The following MPPED2 variants were observed in gnomAD, a reference collection of about 807,000 sequenced individuals.
The protein encoded by MPPED2 is metallophosphoesterase domain containing 2.
In MPPED2, 5 loss-of-function variants were observed where a neutral mutation model predicts 33.0. The observed-to-expected ratio is 0.15, with a 90% CI of 0.08 to 0.32. The LOEUF (loss-of-function observed/expected upper bound fraction) is 0.32, where lower values mean the gene tolerates loss of function less well. Among genes scored for constraint, MPPED2 ranks in the 10% least tolerant of loss-of-function variants. The pLI is 1.00. For synonymous variants in MPPED2, 136 were observed against 141.9 expected, an observed-to-expected ratio of 0.96 and a Z score of 0.29; for missense variants, 275 against 372.1, an observed-to-expected ratio of 0.74 and a Z score of 2.15.
intron 4 of MPPED2, among the ~76,000 whole-genome samples, chr11:30,456,743 G>T (rs765417515): frequency 6.6e-6 from 1 of 152,104 alleles, no homozygotes; most frequent in Non-Finnish European, 1.5e-5. Context: ...TTTCTCATGG[G>T]TACAGAATAT....
intron 2 of MPPED2, among the ~76,000 whole-genome samples, chr11:30,578,768 T>A (rs1379641554): frequency 6.6e-6 from 1 of 152,122 alleles, no homozygotes; most frequent in Admixed American, 6.5e-5. Flanking sequence ...TACACAAATA[T>A]TGTAACATAT....
At chr11:30,513,185 G>A (rs1401858413) in intron 3 of MPPED2, among the ~76,000 whole-genome samples, 1 of 152,124 alleles carries the variant, frequency 6.6e-6, no homozygotes, top group African/African-American at 2.4e-5. Flanking sequence ...AGGGATAATG[G>A]GGGCCTCCTG....
At chr11:30,402,639 G>C (rs145152222) in intron 6 of MPPED2, among the ~76,000 whole-genome samples, 3 of 152,180 alleles carry the variant, frequency 2.0e-5, no homozygotes, top group African/African-American at 7.2e-5. Flanking sequence ...TTCAGTTTTG[G>C]GTCAGGACCA....
intron 6 of MPPED2, among the ~76,000 whole-genome samples, chr11:30,400,021 CA>C (rs1330866353): frequency 1.3e-5 from 2 of 152,128 alleles, no homozygotes; most frequent in African/African-American, 4.8e-5. Context: ...TTATTTTTAA[CA>C]TTTTTTTAGG....
intron 4 of MPPED2, among the ~76,000 whole-genome samples, chr11:30,459,444 G>T (rs1042484750): frequency 6.6e-6 from 1 of 151,944 alleles, no homozygotes; most frequent in Non-Finnish European, 1.5e-5. Flanking sequence ...AAACATCCCA[G>T]CCTAGAAAAT....
intron 3 of MPPED2, among the ~76,000 whole-genome samples, chr11:30,499,823 G>T (rs565389144): frequency 1.3e-5 from 2 of 152,244 alleles, no homozygotes; most frequent in Admixed American, 1.3e-4. Flanking sequence ...GTCATGCTTA[G>T]CCCTCAACTG....
intron 2 of MPPED2, among the ~76,000 whole-genome samples, chr11:30,563,949 T>G (rs1355341783): frequency 6.6e-6 from 1 of 152,188 alleles, no homozygotes; most frequent in Non-Finnish European, 1.5e-5. Context: ...TGAGACACTG[T>G]GTAAGGCTGA....
intron 4 of MPPED2, among the ~76,000 whole-genome samples, chr11:30,481,625 A>T (rs1314471973): frequency 3.3e-5 from 5 of 152,110 alleles, no homozygotes; most frequent in African/African-American, 1.2e-4. Context: ...TAGAATACAA[A>T]TAAGCAAAGG....
chr11:30,527,337 A>G (rs981149649), intron 3 of MPPED2, among the ~76,000 whole-genome samples: 2 of 151,340 alleles, frequency 1.3e-5, no homozygotes, highest in Admixed American at 1.3e-4. Context: ...TGTGTGAACC[A>G]TGCCTGGAAA....
intron 4 of MPPED2, among the ~76,000 whole-genome samples, chr11:30,457,265 A>G (rs1950317225): frequency 6.6e-6 from 1 of 152,110 alleles, no homozygotes; most frequent in Non-Finnish European, 1.5e-5. Flanking sequence ...CTGGTCTGTG[A>G]CAGGTTCCAA....
chr11:30,488,943 G>A (rs1044707676), intron 4 of MPPED2, among the ~76,000 whole-genome samples: 4 of 152,062 alleles, frequency 2.6e-5, no homozygotes, highest in African/African-American at 4.8e-5. Flanking sequence ...CCCTGAAAAC[G>A]TCGTACAGAA....
chr11:30,487,515 C>G (rs1449409622), intron 4 of MPPED2, among the ~76,000 whole-genome samples: 3 of 152,150 alleles, frequency 2.0e-5, no homozygotes, highest in African/African-American at 7.2e-5. Flanking sequence ...CAGGGTTTCC[C>G]TCTGTCACCC....
chr11:30,408,152 G>C (rs1309556601), downstream of MPPED2, among the ~76,000 whole-genome samples: 1 of 152,194 alleles, frequency 6.6e-6, no homozygotes, highest in East Asian at 1.9e-4. Flanking sequence ...CCAGTATGTG[G>C]GCAGCCACAC....
chr11:30,390,711 G>A (rs1446199147), intron 6 of MPPED2, among the ~76,000 whole-genome samples: 1 of 152,190 alleles, frequency 6.6e-6, no homozygotes, highest in Non-Finnish European at 1.5e-5. Context: ...AGGATCCTTT[G>A]GTTTGGCTCC....
In MPPED2 at chr11:30,392,832, G is replaced by A. The variant is rs189192162; in HGVS notation, c.767-3876C>T. On this transcript the variant is annotated intron_variant, in intron 6 of 6. Transcript: ENST00000448418. ...TCACTGAACCAGGAGGAAGGAAGCA[G>A]CAATATCTGAGGAAGAAGTGCCTAT... Among the ~76,000 whole-genome samples the A allele has an allele frequency of 2.6e-5, 4 of 152,356 alleles. No homozygotes were observed. The East Asian group carries it at 5.8e-4, about 22-fold the overall frequency.
At chr11:30,454,559 TA>T (rs34599613) in intron 4 of MPPED2, among the ~76,000 whole-genome samples, 31,553 of 151,262 alleles carry the variant, frequency 0.21, 4,079 homozygotes, top group Non-Finnish European at 0.3. Context: ...TGACCTAGTT[TA>T]AAAAAAAAGT....
intron 4 of MPPED2, among the ~76,000 whole-genome samples, chr11:30,483,483 C>A (rs1470175491): frequency 2.6e-5 from 4 of 152,114 alleles, no homozygotes; most frequent in Non-Finnish European, 4.4e-5. Context: ...AATCATAACA[C>A]CAAAGGAAAA....
intron 4 of MPPED2, among the ~76,000 whole-genome samples, chr11:30,427,488 C>T (rs1948891588): frequency 6.6e-6 from 1 of 152,038 alleles, no homozygotes; most frequent in Non-Finnish European, 1.5e-5. Flanking sequence ...GATAAGTGGA[C>T]AATAAAATAC....
At chr11:30,563,777 G>T (rs769821726) in intron 2 of MPPED2, among the ~76,000 whole-genome samples, 1 of 152,208 alleles carries the variant, frequency 6.6e-6, no homozygotes. Context: ...CTGAATCATG[G>T]ACAAGGCAGA....
Sources: gnomAD v4.1 joint callset for allele counts (sites outside exome capture counted in the v4.1 genomes callset) on GRCh38, gnomAD v4.1.1 for gene constraint, MANE v1.5 for transcripts, NCBI Gene and HGNC (gene_info 2026-07-23, HGNC 2026-07-21) for gene names.